REEP1: variants seen among roughly 807,000 people sequenced by gnomAD.
REEP1 encodes the protein receptor accessory protein 1.
A neutral mutation model predicts 40.3 loss-of-function variants in REEP1; 22 were observed. The ratio of observed to expected loss-of-function variants is 0.55; its 90% CI spans 0.39 to 0.78. REEP1 has a LOEUF of 0.78. REEP1 is among the 30% of genes least tolerant of loss of function. REEP1 has a pLI of 0.00. For missense variants in REEP1, 280 were observed against 361.1 expected (o/e 0.78, Z 1.82); for synonymous variants, 116 against 139.2 (o/e 0.83, Z 1.17).
At chr2:86,271,879 T>G (rs1280963467) in intron 2 of REEP1, among the ~76,000 whole-genome samples, 1 of 152,214 alleles carries the variant, frequency 6.6e-6, no homozygotes, top group Non-Finnish European at 1.5e-5. Flanking sequence ...AGTCAATTCA[T>G]GTTTTGGGTC....
chr2:86,226,111 C>CCACCACCACCACCAT (rs1553457298), intron 7 of REEP1, among the ~76,000 whole-genome samples: 2 of 141,036 alleles, frequency 1.4e-5, no homozygotes, highest in African/African-American at 5.2e-5. Context: ...ACCACCACCA[C>CCACCACCACCACCAT]CACCATCATC....
chr2:86,332,324 A>G (rs2104546265), intron 1 of REEP1, among the ~76,000 whole-genome samples: 1 of 152,116 alleles, frequency 6.6e-6, no homozygotes, highest in East Asian at 1.9e-4. Flanking sequence ...TCTGGTAACC[A>G]GCTGGGCATG....
chr2:86,277,107 T>A (rs1200320133), intron 2 of REEP1, among the ~76,000 whole-genome samples: 1 of 152,110 alleles, frequency 6.6e-6, no homozygotes, highest in Non-Finnish European at 1.5e-5. Context: ...CAGTAGGAAA[T>A]AGATGATAAA....
intron 5 of REEP1, among the ~76,000 whole-genome samples, chr2:86,239,504 G>A (rs369295930): frequency 6.6e-6 from 1 of 152,170 alleles, no homozygotes; most frequent in African/African-American, 2.4e-5. Flanking sequence ...CAGCACAACC[G>A]CATTTCCCAC....
chr2:86,282,283 T>G, intron 1 of REEP1, 41 bp from the exon 2 acceptor site: 1 of 1,411,770 alleles, frequency 7.1e-7, no homozygotes, highest in Non-Finnish European at 1.0e-6. Flanking sequence ...ATTTTTCATT[T>G]ATCTTATTTA....
At chr2:86,284,701 G>A (rs1175016534) in intron 1 of REEP1, among the ~76,000 whole-genome samples, 1 of 152,166 alleles carries the variant, frequency 6.6e-6, no homozygotes, top group African/African-American at 2.4e-5. Flanking sequence ...GGAGAGACAG[G>A]TGGGAAGTAC....
At chr2:86,255,500 C>A (rs1196914901) in intron 3 of REEP1, among the ~76,000 whole-genome samples, 1 of 152,166 alleles carries the variant, frequency 6.6e-6, no homozygotes, top group Non-Finnish European at 1.5e-5. Flanking sequence ...TACCCTCAAG[C>A]CTGTTCATTT....
At chr2:86,334,677 A>C (rs1680930403) in intron 1 of REEP1, among the ~76,000 whole-genome samples, 1 of 152,198 alleles carries the variant, frequency 6.6e-6, no homozygotes, top group Non-Finnish European at 1.5e-5. Flanking sequence ...TAAGACAAAC[A>C]AAAAGGGAAC....
chr2:86,237,537 T>C (rs1489897583), intron 5 of REEP1, among the ~76,000 whole-genome samples: 3 of 152,222 alleles, frequency 2.0e-5, no homozygotes, highest in African/African-American at 7.2e-5. Flanking sequence ...TTGTTGTTTG[T>C]TTGAGATGGA....
chr2:86,225,414 G>A (rs1361962876), intron 7 of REEP1, among the ~76,000 whole-genome samples: 3 of 152,212 alleles, frequency 2.0e-5, no homozygotes, highest in African/African-American at 7.2e-5. Context: ...TGGGATTACA[G>A]GCATGTGCCA....
chr2:86,231,923 C>T (rs1022513789), intron 6 of REEP1, among the ~76,000 whole-genome samples: 4 of 152,212 alleles, frequency 2.6e-5, no homozygotes, highest in South Asian at 2.1e-4. Context: ...GAAGCCTCTG[C>T]GGATGGGCCC....
chr2:86,334,400 C>A (rs537703585), intron 1 of REEP1, among the ~76,000 whole-genome samples: 34 of 152,136 alleles, frequency 2.2e-4, no homozygotes, highest in African/African-American at 7.5e-4. Context: ...ACGTGACTCG[C>A]GGATAAAACC....
At chr2:86,257,706 C>T (rs1179273339) in intron 3 of REEP1, among the ~76,000 whole-genome samples, 1 of 150,896 alleles carries the variant, frequency 6.6e-6, no homozygotes, top group South Asian at 2.1e-4. Flanking sequence ...GGCACGGTCT[C>T]AGCTCACTGC....
chr2:86,330,932 G>C (rs188892836), intron 1 of REEP1, among the ~76,000 whole-genome samples: 2 of 152,066 alleles, frequency 1.3e-5, no homozygotes, highest in African/African-American at 4.8e-5. Flanking sequence ...CAGTCCATCC[G>C]AACAACAAAT....
intron 1 of REEP1, among the ~76,000 whole-genome samples, chr2:86,319,435 TGGC>T (rs923796915): frequency 8.9e-6 from 1 of 112,212 alleles, no homozygotes; most frequent in African/African-American, 4.0e-5. Context: ...AATAGGGTCT[TGGC>T]GGGGCAGAGT....
intron 1 of REEP1, among the ~76,000 whole-genome samples, chr2:86,288,454 GT>G (rs375939294): frequency 2.6e-5 from 4 of 152,230 alleles, no homozygotes; most frequent in African/African-American, 7.2e-5. Flanking sequence ...CCTGCATCCA[GT>G]TTTTTTAGAT....
At chr2:86,334,857 G>A (rs144234356) in intron 1 of REEP1, among the ~76,000 whole-genome samples, 1 of 152,280 alleles carries the variant, frequency 6.6e-6, no homozygotes, top group Non-Finnish European at 1.5e-5. Context: ...AGTGCTCTCC[G>A]TGGTGCTTGG....
chr2:86,243,412 G>A (rs1377414028), intron 5 of REEP1, among the ~76,000 whole-genome samples: 3 of 152,172 alleles, frequency 2.0e-5, no homozygotes, highest in African/African-American at 4.8e-5. Flanking sequence ...GCATCAGGCT[G>A]CACAATCTCC....
At chr2:86,276,194 A>C (rs1329648709) in intron 2 of REEP1, among the ~76,000 whole-genome samples, 1 of 152,186 alleles carries the variant, frequency 6.6e-6, no homozygotes, top group Non-Finnish European at 1.5e-5. Flanking sequence ...CTGCTCAGAG[A>C]CCATGTTGCC....
Sources: gnomAD v4.1 joint callset for allele counts (sites outside exome capture counted in the v4.1 genomes callset) on GRCh38, gnomAD v4.1.1 for gene constraint, MANE v1.5 for transcripts, NCBI Gene and HGNC (gene_info 2026-07-23, HGNC 2026-07-21) for gene names.